Variants in PRKACB observed in about 807,000 individuals in gnomAD.
PRKACB encodes the protein cAMP-dependent protein kinase catalytic subunit beta.
Under a neutral mutation model 51.4 loss-of-function variants are expected in PRKACB, and 16 were observed. The observed-to-expected ratio is 0.31, with a 90% CI of 0.21 to 0.47. The LOEUF (loss-of-function observed/expected upper bound fraction) is 0.47, where lower values mean the gene tolerates loss of function less well. PRKACB is among the 20% of genes least tolerant of loss of function. The probability of loss-of-function intolerance (pLI) is 1.00; values close to 1 mark genes in which losing one functional copy is unlikely to be tolerated. For synonymous variants in PRKACB, 147 were observed against 154.4 expected, an observed-to-expected ratio of 0.95 and a Z score of 0.35; for missense variants, 309 against 464.5, an observed-to-expected ratio of 0.67 and a Z score of 3.08.
intron 1 of PRKACB, among the ~76,000 whole-genome samples, chr1:84,081,154 G>A (rs540905798): frequency 6.6e-6 from 1 of 152,276 alleles, no homozygotes; most frequent in African/African-American, 2.4e-5. Context: ...CTTCAGAAAG[G>A]CAGGTGATTC....
chr1:84,088,578 C>T (rs1216507029), intron 1 of PRKACB, among the ~76,000 whole-genome samples: 1 of 152,168 alleles, frequency 6.6e-6, no homozygotes, highest in Non-Finnish European at 1.5e-5. Flanking sequence ...TAACTTAGCT[C>T]TTTCAATCTT....
intron 1 of PRKACB, among the ~76,000 whole-genome samples, chr1:84,113,503 T>C (rs1650396526): frequency 6.6e-6 from 1 of 152,180 alleles, no homozygotes; most frequent in Non-Finnish European, 1.5e-5. Context: ...TACCCAGCAA[T>C]GTGCACTTCT....
chr1:84,108,604 C>T (rs1034783007), intron 1 of PRKACB, among the ~76,000 whole-genome samples: 19 of 151,860 alleles, frequency 1.3e-4, no homozygotes, highest in African/African-American at 3.9e-4. Flanking sequence ...TTAATCCACC[C>T]GAAGACCCTC....
chr1:84,101,433 T>G (rs532837701), intron 1 of PRKACB, among the ~76,000 whole-genome samples: 1 of 152,194 alleles, frequency 6.6e-6, no homozygotes, highest in Non-Finnish European at 1.5e-5. Flanking sequence ...CCTAGCCAAG[T>G]TGACACATAA....
intron 1 of PRKACB, among the ~76,000 whole-genome samples, chr1:84,135,893 A>G (rs1652755569): frequency 6.6e-6 from 1 of 152,086 alleles, no homozygotes; most frequent in African/African-American, 2.4e-5. Context: ...TGCAAGCAAA[A>G]GAAAAGAAAT....
intron 1 of PRKACB, among the ~76,000 whole-genome samples, chr1:84,117,193 A>T (rs961120460): frequency 6.6e-6 from 1 of 151,920 alleles, no homozygotes; most frequent in Non-Finnish European, 1.5e-5. Flanking sequence ...TTGATGTGCT[A>T]TTGGATTTGG....
chr1:84,182,148 C>A, intron 2 of PRKACB, 52 bp from the exon 3 acceptor site: 2 of 1,260,738 alleles, frequency 1.6e-6, no homozygotes, highest in South Asian at 2.0e-5. Context: ...ATTTATAATT[C>A]CCATAGTGTT....
chr1:84,138,999 T>C (rs1259345473), intron 1 of PRKACB, among the ~76,000 whole-genome samples: 2 of 152,120 alleles, frequency 1.3e-5, no homozygotes, highest in African/African-American at 2.4e-5. Flanking sequence ...AAGATAACTC[T>C]TCACTAACCC....
chr1:84,185,274 G>A, intron 5 of PRKACB, 92 bp downstream of exon 5: 2 of 931,050 alleles, frequency 2.1e-6, no homozygotes, highest in Non-Finnish European at 3.2e-6. Flanking sequence ...AACTTATTTT[G>A]TTTGATTAAT....
chr1:84,143,212 A>G (rs1209995247), upstream of PRKACB, among the ~76,000 whole-genome samples: 1 of 152,154 alleles, frequency 6.6e-6, no homozygotes, highest in East Asian at 1.9e-4. Flanking sequence ...TTGGGAGGCC[A>G]AGGCGGGCGT....
intron 1 of PRKACB, among the ~76,000 whole-genome samples, chr1:84,081,768 G>GAA (rs1380674269): frequency 6.6e-6 from 1 of 152,142 alleles, no homozygotes; most frequent in East Asian, 1.9e-4. Context: ...ATGGGGCTTT[G>GAA]TGTTATACAT....
At chr1:84,109,006 G>A (rs1373181493) in intron 1 of PRKACB, among the ~76,000 whole-genome samples, 1 of 151,850 alleles carries the variant, frequency 6.6e-6, no homozygotes, top group East Asian at 1.9e-4. Flanking sequence ...TACTCAATAA[G>A]TACTCTTTTG....
rs576473576 is a variant in PRKACB at position 84,131,716 on chromosome 1, G to C, written c.47-47461G>C. Among the ~76,000 whole-genome samples, 6 of 152,280 alleles carry C rather than the reference G, an allele frequency of 3.9e-5. No homozygotes were observed. The Middle Eastern group carries it at 0.014, about 345-fold the overall frequency. ...CTCATGGCCGAGATCTGCTTACTTA[G>C]AGCCAAAGCCACTGGAGCCATAAAT... On this transcript the variant is annotated intron_variant, in intron 1 of 8. Coordinates refer to the PRKACB transcript ENST00000370688.
chr1:84,163,034 A>C (rs1199551772), intron 1 of PRKACB, among the ~76,000 whole-genome samples: 1 of 151,660 alleles, frequency 6.6e-6, no homozygotes, highest in Admixed American at 6.6e-5. Flanking sequence ...TTTTCTTCTT[A>C]TTCTAATTTT....
intron 1 of PRKACB, among the ~76,000 whole-genome samples, chr1:84,165,847 G>T (rs1657265015): frequency 2.6e-5 from 4 of 151,840 alleles, no homozygotes; most frequent in Admixed American, 2.6e-4. Flanking sequence ...ATGCTTGGAA[G>T]TTAACCTTTG....
chr1:84,151,462 A>G (rs745682763), intron 1 of PRKACB, among the ~76,000 whole-genome samples: 22 of 152,190 alleles, frequency 1.4e-4, no homozygotes, highest in Admixed American at 3.9e-4. Context: ...AAAGTGACAC[A>G]CTTGACTGAC....
intron 1 of PRKACB, among the ~76,000 whole-genome samples, chr1:84,114,530 G>A (rs1236309035): frequency 6.6e-6 from 1 of 152,016 alleles, no homozygotes; most frequent in Non-Finnish European, 1.5e-5. Flanking sequence ...AATTTATAGT[G>A]ATGAAGTTAG....
upstream of PRKACB, among the ~76,000 whole-genome samples, chr1:84,140,614 A>G (rs891362610): frequency 6.6e-6 from 1 of 152,140 alleles, no homozygotes; most frequent in Non-Finnish European, 1.5e-5. Flanking sequence ...GATGATTGTA[A>G]GAAACATGGA....
intron 4 of PRKACB, among the ~76,000 whole-genome samples, chr1:84,184,422 T>A (rs1664495685): frequency 6.6e-6 from 1 of 151,896 alleles, no homozygotes; most frequent in African/African-American, 2.4e-5. Flanking sequence ...TTAATAACAA[T>A]TCTTATGCAA....
Sources: allele counts gnomAD v4.1 joint callset (sites outside exome capture counted in the v4.1 genomes callset), GRCh38; gene constraint gnomAD v4.1.1; transcripts MANE v1.5; gene names NCBI Gene and HGNC (gene_info 2026-07-23, HGNC 2026-07-21).